The following ERBIN variants were observed in gnomAD, a reference collection of about 807,000 sequenced individuals.
ERBIN encodes erbb2 interacting protein, also known as densin-180-like protein.
A neutral mutation model predicts 158.4 loss-of-function variants in ERBIN; 60 were observed. The ratio of observed to expected loss-of-function variants is 0.38; its 90% CI spans 0.31 to 0.47. ERBIN has a LOEUF of 0.47. Among genes scored for constraint, ERBIN ranks in the 20% least tolerant of loss-of-function variants. The pLI, the probability that ERBIN is intolerant of heterozygous loss-of-function variation, is 0.99. For synonymous variants in ERBIN, 594 were observed against 557.2 expected (o/e 1.07, Z -0.93); for missense variants, 1,610 against 1,648.0 (o/e 0.98, Z 0.40).
At chr5:65,991,686 T>A (rs544274495) in intron 2 of ERBIN, among the ~76,000 whole-genome samples, 3 of 152,204 alleles carry the variant, frequency 2.0e-5, no homozygotes, top group Non-Finnish European at 4.4e-5. Flanking sequence ...TTAGCCTAGT[T>A]AGAATTAACC....
chr5:66,049,679 G>A (rs1369906310), intron 19 of ERBIN, among the ~76,000 whole-genome samples: 1 of 152,034 alleles, frequency 6.6e-6, no homozygotes. Context: ...GACTACTTGA[G>A]CTGTGCTCCT....
rs910769335 is a variant in ERBIN at position 65,957,389 on chromosome 5, G to A, written c.-58+30583G>A. Among the ~76,000 whole-genome samples, 14 of 151,900 alleles carry A rather than the reference G, an allele frequency of 9.2e-5. 1 individual carries two copies. The highest frequency in any genetic ancestry group is 3.4e-4 in the African/African-American group (14 of 41,314). On this transcript the variant is annotated intron_variant, in intron 1 of 25. Coordinates refer to ENST00000284037, the MANE Select transcript of ERBIN (RefSeq NM_001253697.2). The stretch of plus-strand genomic sequence containing the variant: ...GGCCTTCCGCAGTGTTTGTATCCCT[G>A]GGTACTTGAGATTAGGGAGTGGTGA...
chr5:65,945,533 T>G (rs945593421), intron 1 of ERBIN, among the ~76,000 whole-genome samples: 4 of 152,206 alleles, frequency 2.6e-5, no homozygotes, highest in Non-Finnish European at 4.4e-5. Flanking sequence ...CCATGTTGCC[T>G]GCCGTATTTC....
intron 1 of ERBIN, among the ~76,000 whole-genome samples, chr5:65,970,537 T>G (rs1376823057): frequency 6.6e-6 from 1 of 152,236 alleles, no homozygotes; most frequent in East Asian, 1.9e-4. Flanking sequence ...CCTATTTGAC[T>G]GTTTTCCCTT....
intron 1 of ERBIN, among the ~76,000 whole-genome samples, chr5:65,986,233 TC>T (rs1354816264): frequency 6.6e-6 from 1 of 152,244 alleles, no homozygotes; most frequent in East Asian, 1.9e-4. Context: ...AGTGTCCTAC[TC>T]AGATATCTTT....
chr5:65,944,132 C>G (rs549539649), intron 1 of ERBIN, among the ~76,000 whole-genome samples: 1 of 151,778 alleles, frequency 6.6e-6, no homozygotes, highest in Non-Finnish European at 1.5e-5. Context: ...TCCTTGAGAC[C>G]CAGCTTTCAT....
intron 1 of ERBIN, among the ~76,000 whole-genome samples, chr5:65,969,026 G>A (rs559968857): frequency 2.0e-5 from 3 of 152,122 alleles, no homozygotes; most frequent in Non-Finnish European, 4.4e-5. Flanking sequence ...ATGCAATACC[G>A]CGTTTAAGGG....
chr5:66,008,003 A>G (rs1753805829), intron 4 of ERBIN, among the ~76,000 whole-genome samples: 1 of 152,246 alleles, frequency 6.6e-6, no homozygotes, highest in Admixed American at 6.5e-5. Context: ...GCTTAGGGCA[A>G]AATTACTACT....
chr5:65,995,028 A>G (rs1482512715), intron 4 of ERBIN, among the ~76,000 whole-genome samples, 164 bp downstream of exon 4: 1 of 152,250 alleles, frequency 6.6e-6, no homozygotes, highest in African/African-American at 2.4e-5. Flanking sequence ...GCCCGACTTT[A>G]CAAGTTTTGC....
intron 1 of ERBIN, among the ~76,000 whole-genome samples, chr5:65,955,026 C>T (rs1746930419): frequency 6.6e-6 from 1 of 152,014 alleles, no homozygotes; most frequent in African/African-American, 2.4e-5. Context: ...AATTGCCCCA[C>T]TTGCACTCCA....
chr5:66,063,503 C>G (rs762432237), intron 21 of ERBIN, among the ~76,000 whole-genome samples: 1 of 152,176 alleles, frequency 6.6e-6, no homozygotes, highest in Non-Finnish European at 1.5e-5. Context: ...GAGGCGATGC[C>G]TCACCCTGCT....
rs558904279 is a variant in ERBIN at position 66,003,817 on chromosome 5, CAG to C, written c.308-8230_308-8229del. Among the ~76,000 whole-genome samples, 508 of 151,146 alleles carry C rather than the reference CAG, an allele frequency of 3.4e-3. 7 individuals are homozygous for C. The highest frequency in any genetic ancestry group is 3.4e-3 in the Middle Eastern group (1 of 292). On this transcript the variant is annotated intron_variant, in intron 4 of 25. Coordinates refer to ENST00000284037, the MANE Select transcript of ERBIN (RefSeq NM_001253697.2). ...GTGTCAGAAGGGGTTTTCTCTTTCTCAGAAGTAAAGAGAGAGAGTTCTTCTGT... is the reference window on the plus strand; with the variant it reads ...GTGTCAGAAGGGGTTTTCTCTTTCTCAAGTAAAGAGAGAGAGTTCTTCTGT...
intron 17 of ERBIN, among the ~76,000 whole-genome samples, chr5:66,045,274 A>G (rs927275726): frequency 3.9e-5 from 6 of 152,258 alleles, no homozygotes; most frequent in Non-Finnish European, 8.8e-5. Flanking sequence ...TAATGATGTC[A>G]TAACACAACT....
chr5:65,970,111 G>C (rs1749083880), intron 1 of ERBIN, among the ~76,000 whole-genome samples: 1 of 92,238 alleles, frequency 1.1e-5, no homozygotes, highest in African/African-American at 3.1e-5. Flanking sequence ...ACATAATCTA[G>C]TGAAGTATGA....
At chr5:66,064,148 A>G (rs1760751776) in intron 21 of ERBIN, among the ~76,000 whole-genome samples, 1 of 152,250 alleles carries the variant, frequency 6.6e-6, no homozygotes, top group African/African-American at 2.4e-5. Flanking sequence ...ATCACAGAAG[A>G]TGGGATTATT....
At chr5:65,938,939 C>T (rs900742233) in intron 1 of ERBIN, among the ~76,000 whole-genome samples, 3 of 152,152 alleles carry the variant, frequency 2.0e-5, no homozygotes, top group Non-Finnish European at 4.4e-5. Flanking sequence ...ATGGCCTCTT[C>T]AACCTTGTTG....
chr5:66,043,340 C>A, intron 16 of ERBIN, 142 bp downstream of exon 16: 10 of 751,780 alleles, frequency 1.3e-5, no homozygotes, highest in South Asian at 7.1e-5. Flanking sequence ...GTTATTGATT[C>A]CAAATATTTC....
intron 2 of ERBIN, among the ~76,000 whole-genome samples, chr5:65,989,394 G>A (rs1751618090): frequency 6.6e-6 from 1 of 152,130 alleles, no homozygotes; most frequent in Non-Finnish European, 1.5e-5. Context: ...ATTGGCACCA[G>A]GCCCACTGAA....
At chr5:66,046,088 A>G (rs549712379) in intron 17 of ERBIN, among the ~76,000 whole-genome samples, 1 of 150,198 alleles carries the variant, frequency 6.7e-6, no homozygotes, top group East Asian at 1.9e-4. Flanking sequence ...AGTTGTCCAC[A>G]CTTACAAGCC....
Sources: allele counts gnomAD v4.1 joint callset (sites outside exome capture counted in the v4.1 genomes callset), GRCh38; gene constraint gnomAD v4.1.1; transcripts MANE v1.5; gene names NCBI Gene and HGNC (gene_info 2026-07-23, HGNC 2026-07-21).